Variants in LMBR1 observed in about 807,000 individuals in gnomAD.
The protein encoded by LMBR1 is limb region 1 protein homolog.
Under a neutral mutation model 73.9 loss-of-function variants are expected in LMBR1, and 52 were observed. The ratio of observed to expected loss-of-function variants is 0.70; its 90% CI spans 0.56 to 0.89. The LOEUF (loss-of-function observed/expected upper bound fraction) is 0.89, where lower values mean the gene tolerates loss of function less well. Ranked by LOEUF, LMBR1 falls within the 40% of genes least tolerant of loss-of-function variation. The pLI is 0.00. For synonymous variants in LMBR1, 215 were observed against 209.4 expected (o/e 1.03, Z -0.23); for missense variants, 539 against 579.8 (o/e 0.93, Z 0.72).
At chr7:156,819,957 T>A (rs1834498992) in intron 4 of LMBR1, among the ~76,000 whole-genome samples, 1 of 152,174 alleles carries the variant, frequency 6.6e-6, no homozygotes, top group South Asian at 2.1e-4. Flanking sequence ...TAGAACTGCA[T>A]CTACCTGGGA....
downstream of LMBR1, chr7:156,675,800 G>A: frequency 1.2e-6 from 2 of 1,614,182 alleles, no homozygotes; most frequent in South Asian, 2.2e-5. Context: ...GTGTTCTTCA[G>A]CAGTTGGAAG....
At chr7:156,761,484 T>C (rs572831934) in intron 8 of LMBR1, among the ~76,000 whole-genome samples, 32 of 152,314 alleles carry the variant, frequency 2.1e-4, no homozygotes, top group Non-Finnish European at 4.1e-4. Context: ...AATTAAAGCA[T>C]ACATGTAAAT....
At chr7:156,840,637 C>A (rs1386559182) in intron 1 of LMBR1, among the ~76,000 whole-genome samples, 1 of 151,836 alleles carries the variant, frequency 6.6e-6, no homozygotes. Context: ...TGACACAGTG[C>A]AAAAGGCTCA....
intron 5 of LMBR1, among the ~76,000 whole-genome samples, chr7:156,794,775 G>A (rs896241437): frequency 3.3e-5 from 5 of 152,232 alleles, no homozygotes; most frequent in South Asian, 2.1e-4. Flanking sequence ...AGCAAACGTC[G>A]GCAGGCAATG....
intron 10 of LMBR1, among the ~76,000 whole-genome samples, chr7:156,732,447 G>C (rs1434100323): frequency 6.6e-6 from 1 of 152,156 alleles, no homozygotes; most frequent in Non-Finnish European, 1.5e-5. Flanking sequence ...CCAGACAGGA[G>C]ACTGAAGCAC....
intron 5 of LMBR1, among the ~76,000 whole-genome samples, chr7:156,770,787 A>C (rs1378271049): frequency 6.6e-6 from 1 of 151,998 alleles, no homozygotes; most frequent in Non-Finnish European, 1.5e-5. Flanking sequence ...GGAAGCACAC[A>C]CCTGTAGTCC....
At chr7:156,735,084 C>T (rs549615085) in intron 9 of LMBR1, among the ~76,000 whole-genome samples, 41 of 152,292 alleles carry the variant, frequency 2.7e-4, no homozygotes, top group African/African-American at 9.9e-4. Context: ...TTGCAATAAA[C>T]ATTCTTGTAT....
intron 1 of LMBR1, among the ~76,000 whole-genome samples, chr7:156,879,046 A>T (rs1379091437): frequency 6.6e-6 from 1 of 152,240 alleles, no homozygotes; most frequent in Non-Finnish European, 1.5e-5. Flanking sequence ...AAATCAACTC[A>T]AGATGGATCA....
At chr7:156,873,867 G>A (rs192645085) in intron 1 of LMBR1, among the ~76,000 whole-genome samples, 301 of 152,388 alleles carry the variant, frequency 2.0e-3, no homozygotes, top group Non-Finnish European at 3.3e-3. Context: ...GTGCTGACTG[G>A]TGTATTTACA....
intron 4 of LMBR1, among the ~76,000 whole-genome samples, chr7:156,824,129 T>C (rs529312952): frequency 2.7e-5 from 4 of 148,264 alleles, no homozygotes; most frequent in Admixed American, 6.7e-5. Flanking sequence ...ACAACAACAA[T>C]ATATATATAC....
rs1806351149 is a variant in LMBR1, at chr7:156,688,095, A to C, written c.1322T>G (p.Val441Gly). 6.2e-7 allele frequency: 1 copy of C among 1,613,344 alleles called. No homozygotes were observed. The highest frequency in any genetic ancestry group is 8.5e-7 in the Non-Finnish European group (1 of 1,179,798). Residue 441 changes from valine to glycine, a missense_variant, in exon 16 of 17, where the codon GTG (valine) becomes GGG (glycine). Around this residue, in one of 3 missense-constraint regions of LMBR1, gnomAD observed 69 missense variants for 68.5 expected, o/e 1.01. Coordinates refer to ENST00000353442, the MANE Select transcript of LMBR1 (RefSeq NM_022458.4). ...TTTTCGGACCAGACACAATGTTGTC[A>C]CAATAGCAAAAAGCAAATTGTAGGA... ...VLSYNLLFAI[V>G]TTLCLVRKFT...
chr7:156,769,126 G>A (rs1824700441), intron 5 of LMBR1, among the ~76,000 whole-genome samples: 1 of 152,112 alleles, frequency 6.6e-6, no homozygotes, highest in African/African-American at 2.4e-5. Context: ...AGTCAGCAGT[G>A]CAAGCTACAT....
At chr7:156,767,671 A>C (rs1041440865) in intron 5 of LMBR1, among the ~76,000 whole-genome samples, 3 of 151,966 alleles carry the variant, frequency 2.0e-5, no homozygotes, top group African/African-American at 7.2e-5. Context: ...ATACTAGAAA[A>C]CAGAACAAAA....
At position 156,670,769 on chromosome 7, in the gene LMBR1, C is replaced by T. The variant is rs1006708560; in HGVS notation, n.867-1482G>A. On this transcript the variant is annotated intron_variant and non_coding_transcript_variant, in intron 4 of 4. Coordinates refer to the LMBR1 transcript ENST00000430825. This position sits in a 1 kb window ranked among gnomAD's most constrained non-coding sequence, Gnocchi z 4.3. ...AACCAAATGAAAGTTACATTCAAGA[C>T]GAGAGGCAAAAGAAAAGCCAGACAA... Among the ~76,000 whole-genome samples the T allele has an allele frequency of 1.3e-5, 2 of 152,108 alleles. No homozygotes were observed. Among genetic ancestry groups the T allele is most frequent in the Non-Finnish European group, 1.5e-5 (1 of 68,038 alleles).
chr7:156,860,971 G>A (rs549134871), intron 1 of LMBR1, among the ~76,000 whole-genome samples: 137 of 152,340 alleles, frequency 9.0e-4, no homozygotes, highest in Admixed American at 3.7e-3. Flanking sequence ...TTTTTCAGGC[G>A]CATGGTGCAA....
chr7:156,837,951 T>G (rs373717376), intron 1 of LMBR1, among the ~76,000 whole-genome samples: 1 of 152,122 alleles, frequency 6.6e-6, no homozygotes, highest in African/African-American at 2.4e-5. Flanking sequence ...CATGCCTGGC[T>G]AATTCTTGTA....
chr7:156,817,143 T>C (rs909015866), intron 4 of LMBR1, among the ~76,000 whole-genome samples: 1 of 152,164 alleles, frequency 6.6e-6, no homozygotes, highest in Non-Finnish European at 1.5e-5. Flanking sequence ...CACCATAGGA[T>C]GCATTAACTT....
At chr7:156,711,005 A>T (rs1473604690) in intron 15 of LMBR1, among the ~76,000 whole-genome samples, 1 of 152,216 alleles carries the variant, frequency 6.6e-6, no homozygotes, top group Non-Finnish European at 1.5e-5. Flanking sequence ...TTAAGAAAAA[A>T]ATAAATAAAT....
At chr7:156,834,781 C>T (rs1837305393) in intron 2 of LMBR1, among the ~76,000 whole-genome samples, 2 of 151,938 alleles carry the variant, frequency 1.3e-5, no homozygotes, top group South Asian at 4.2e-4. Context: ...CCTTCTCGCT[C>T]ATGCCTGTCA....
Sources: gnomAD v4.1 joint callset for allele counts (sites outside exome capture counted in the v4.1 genomes callset) on GRCh38, gnomAD v4.1.1 for gene constraint, gnomAD v4.1.1 regional missense constraint, Gnocchi (gnomAD v3.1) non-coding constraint, MANE v1.5 for transcripts, NCBI Gene and HGNC (gene_info 2026-07-23, HGNC 2026-07-21) for gene names.